SMIM36: variants seen among roughly 807,000 people sequenced by gnomAD.
The protein encoded by SMIM36 is small integral membrane protein 36.
chr17:55,491,658 C>T (rs1033686074), intron 1 of SMIM36, among the ~76,000 whole-genome samples: 20 of 152,210 alleles, frequency 1.3e-4, no homozygotes, highest in Non-Finnish European at 2.9e-5. Context: ...GGGCTTGTGC[C>T]TGTTTGCCTA....
upstream of SMIM36, among the ~76,000 whole-genome samples, chr17:55,513,212 A>C (rs1264464416): frequency 5.3e-5 from 8 of 152,188 alleles, no homozygotes; most frequent in Admixed American, 3.9e-4. Context: ...CTTCATGGAT[A>C]ATTTTGATCT....
rs75689506 is a variant in SMIM36 at position 55,454,682 on chromosome 17, T to C, written c.*532-4384A>G. ...CTTTAAAAAAGTGTGTTATGGGCTT[T>C]CTATGCTTACAATACATTTTTAGTG... is the stretch of plus-strand genomic sequence containing the variant. On this transcript the variant is annotated intron_variant, in intron 4 of 4. Coordinates refer to ENST00000636752, the Ensembl canonical transcript of SMIM36. Among the ~76,000 whole-genome samples, 1,260 of 152,360 alleles carry C rather than the reference T, an allele frequency of 8.3e-3. 17 individuals are homozygous for C. Among genetic ancestry groups the C allele is most frequent in the African/African-American group, 0.029 (1,194 of 41,592 alleles).
intron 1 of SMIM36, among the ~76,000 whole-genome samples, chr17:55,508,014 C>T (rs112789486): frequency 6.6e-6 from 1 of 152,176 alleles, no homozygotes; most frequent in Non-Finnish European, 1.5e-5. Flanking sequence ...CCAACACAAG[C>T]CTAAGGGACC....
At chr17:55,523,269 T>C in the SMIM36 span, among the ~76,000 whole-genome samples, 1 of 152,150 alleles carries the variant, frequency 6.6e-6, no homozygotes, top group Non-Finnish European at 1.5e-5. Context: ...TGGTGGCTCA[T>C]GCCTGTAATC....
At chr17:55,472,491 C>T (rs1909357200) in intron 3 of SMIM36, among the ~76,000 whole-genome samples, 1 of 152,160 alleles carries the variant, frequency 6.6e-6, no homozygotes, top group South Asian at 2.1e-4. Flanking sequence ...TAATAAGGGC[C>T]CTCCTTAAGG....
rs538826814 is a variant in SMIM36 at position 55,507,694 on chromosome 17, A to C, written c.*174+3185T>G. ...GTATACATATGTAACTAACCTGCACAATGTGCACATGTACCCTAAAACTTA... is the reference window on the plus strand; with the variant it reads ...GTATACATATGTAACTAACCTGCACCATGTGCACATGTACCCTAAAACTTA... On this transcript the variant is annotated intron_variant, in intron 1 of 4. Transcript: ENST00000636752. Among the ~76,000 whole-genome samples, 10 of 148,968 alleles carry C rather than the reference A, an allele frequency of 6.7e-5. No homozygotes were observed. The East Asian group carries it at 2.0e-3, about 29-fold the overall frequency.
chr17:55,525,264 C>T, the SMIM36 span, among the ~76,000 whole-genome samples: 11 of 152,274 alleles, frequency 7.2e-5, no homozygotes, highest in African/African-American at 2.4e-4. Context: ...ACTGTGTCAT[C>T]CCTTGTCTCT....
At chr17:55,515,483 G>A (rs1910259847), upstream of SMIM36, among the ~76,000 whole-genome samples, 1 of 152,132 alleles carries the variant, frequency 6.6e-6, no homozygotes, top group Non-Finnish European at 1.5e-5. Flanking sequence ...TTTGGAAATA[G>A]GGTCTTGGCA....
chr17:55,521,143 A>G, the SMIM36 span, among the ~76,000 whole-genome samples: 1 of 152,210 alleles, frequency 6.6e-6, no homozygotes, highest in South Asian at 2.1e-4. Flanking sequence ...AAAAAAAAAA[A>G]TCTTGACCTA....
chr17:55,473,147 T>C (rs750082287), intron 3 of SMIM36, among the ~76,000 whole-genome samples: 2 of 152,128 alleles, frequency 1.3e-5, no homozygotes, highest in Non-Finnish European at 2.9e-5. Flanking sequence ...ACCACTTCCA[T>C]GTGGGATACC....
upstream of SMIM36, among the ~76,000 whole-genome samples, chr17:55,516,027 A>G (rs957447046): frequency 6.6e-6 from 1 of 152,216 alleles, no homozygotes; most frequent in Non-Finnish European, 1.5e-5. Context: ...AAGAAAACGC[A>G]TGGGATGAAA....
At chr17:55,491,472 T>A (rs1909705401) in intron 1 of SMIM36, among the ~76,000 whole-genome samples, 1 of 152,186 alleles carries the variant, frequency 6.6e-6, no homozygotes, top group Non-Finnish European at 1.5e-5. Context: ...CTGCTCCAAA[T>A]TCATTCTCTC....
the SMIM36 span, among the ~76,000 whole-genome samples, chr17:55,530,782 CA>C: frequency 3.3e-5 from 5 of 149,786 alleles, no homozygotes; most frequent in East Asian, 2.0e-4. Context: ...GACTCCGCCT[CA>C]AAAAAAAATG....
At chr17:55,477,379 G>C (rs538546055) in intron 3 of SMIM36, among the ~76,000 whole-genome samples, 2 of 152,262 alleles carry the variant, frequency 1.3e-5, no homozygotes, top group African/African-American at 4.8e-5. Context: ...CCCTGGCTTA[G>C]AGATGCATCA....
intron 1 of SMIM36, among the ~76,000 whole-genome samples, chr17:55,485,248 T>C (rs1331931029): frequency 2.6e-5 from 4 of 152,088 alleles, no homozygotes; most frequent in African/African-American, 9.7e-5. Flanking sequence ...CTGAAAATAT[T>C]CATAATCAAA....
At chr17:55,480,826 C>T (rs1484863427) in intron 1 of SMIM36, among the ~76,000 whole-genome samples, 1 of 152,144 alleles carries the variant, frequency 6.6e-6, no homozygotes, top group Non-Finnish European at 1.5e-5. Flanking sequence ...AGGGTCTGTA[C>T]AACAGCAGGG....
chr17:55,498,496 AGTG>A lies in SMIM36; in HGVS notation c.*174+12380_*174+12382del, dbSNP rs558664919. Among the ~76,000 whole-genome samples the A allele has an allele frequency of 3.1e-3, 473 of 152,220 alleles. 3 individuals carry two copies. Among genetic ancestry groups the A allele is most frequent in the African/African-American group, 0.011 (454 of 41,536 alleles). ...ACTTATTTTCATCTTATTTGCTGGTAGTGGCCTCATTTTTTTTGAAATATCACA... is the reference window on the plus strand; with the variant it reads ...ACTTATTTTCATCTTATTTGCTGGTAGCCTCATTTTTTTTGAAATATCACA... On this transcript the variant is annotated intron_variant, in intron 1 of 4. Coordinates refer to ENST00000636752, the Ensembl canonical transcript of SMIM36.
intron 1 of SMIM36, among the ~76,000 whole-genome samples, chr17:55,486,621 G>A (rs1043558058): frequency 1.3e-5 from 2 of 152,182 alleles, no homozygotes; most frequent in African/African-American, 4.8e-5. Flanking sequence ...TGATTTTGAT[G>A]TAACTTGTCA....
intron 4 of SMIM36, among the ~76,000 whole-genome samples, chr17:55,458,768 G>A (rs1196819063): frequency 6.6e-6 from 1 of 152,112 alleles, no homozygotes; most frequent in African/African-American, 2.4e-5. Context: ...AGGACAGCCG[G>A]GCTGCTGAGA....
Sources: allele counts gnomAD v4.1 joint callset (sites outside exome capture counted in the v4.1 genomes callset), GRCh38; gene constraint gnomAD v4.1.1; transcripts MANE v1.5; gene names NCBI Gene and HGNC (gene_info 2026-07-23, HGNC 2026-07-21).